Variants in NBPF9 observed in about 807,000 individuals in gnomAD.
NBPF9 encodes the protein NBPF member 9, also known as NBPF family member NBPF9.
NBPF9 carries 91 observed loss-of-function variants against 97.8 expected under a neutral mutation model. The observed-to-expected ratio is 0.93, with a 90% confidence interval of 0.79 to 1.11. The LOEUF (loss-of-function observed/expected upper bound fraction) is 1.11. NBPF9 is among the 50% of genes least tolerant of loss of function. The probability of loss-of-function intolerance (pLI) is 0.00; values close to 1 mark genes in which losing one functional copy is unlikely to be tolerated. For synonymous variants in NBPF9, 334 were observed against 359.5 expected, an observed-to-expected ratio of 0.93 and a Z score of 0.80; for missense variants, 992 against 939.5, an observed-to-expected ratio of 1.06 and a Z score of -0.73.
chr1:149,079,164 C>T, exon 9 of NBPF9: 1 of 1,283,570 alleles, frequency 7.8e-7, no homozygotes. Context: ...CTTCCCGTAA[C>T]TTCTCCTTTA....
chr1:149,085,424 A>G (rs1352681913), intron 5 of NBPF9, among the ~76,000 whole-genome samples: 3 of 152,180 alleles, frequency 2.0e-5, no homozygotes, highest in Admixed American at 6.5e-5. Context: ...TGCTTCTTCA[A>G]TATCGACTTG....
Position 149,098,673 on chromosome 1 carries a change from G to A in NBPF9, c.-572C>T, listed in dbSNP as rs28576593. On this transcript the variant is annotated 5_prime_UTR_variant, in exon 4 of 30. Coordinates refer to ENST00000584027, the Ensembl canonical transcript of NBPF9. ...AGAGCCTGGGTCACCAGGAACCTTC[G>A]CCTGCATCTAAACAGGATTTGCTTT... 7.3e-5 allele frequency: 59 copies of A among 810,382 alleles called. 1 individual carries two copies. In the South Asian group the frequency reaches 9.0e-4, roughly 12 times the overall value. The allele number at this position is 810,382 out of a possible 1,614,324, so 50.2% of individuals were successfully genotyped here.
At chr1:149,053,794 G>A (rs1281294310), downstream of NBPF9, among the ~76,000 whole-genome samples, 1 of 146,340 alleles carries the variant, frequency 6.8e-6, no homozygotes, top group African/African-American at 2.6e-5. Flanking sequence ...TTAGAAGTGT[G>A]TCTAGTCCAA....
exon 30 of NBPF9, chr1:149,055,703 T>A (rs782629118): frequency 5.0e-6 from 8 of 1,611,928 alleles, no homozygotes; most frequent in South Asian, 1.1e-5. Flanking sequence ...TGGAGACTTG[T>A]CACCGTCAAA....
At chr1:149,074,008 C>G in intron 12 of NBPF9, 138 bp from the exon 13 acceptor site, 2 of 595,564 alleles carry the variant, frequency 3.4e-6, no homozygotes, top group Non-Finnish European at 6.0e-6. Flanking sequence ...ATTTCCACAT[C>G]TTTACTCTTC....
exon 16 of NBPF9, chr1:149,070,997 C>T (rs782218569): frequency 4.2e-5 from 67 of 1,612,170 alleles, no homozygotes; most frequent in Non-Finnish European, 5.4e-5. Context: ...AGAGTTGAGT[C>T]GACTTTGTCT....
chr1:149,060,034 C>A lies in NBPF9; in HGVS notation c.2477-226G>T, dbSNP rs1305179406. ...TCCCTATTCTAGTAGATCGTTATCC[C>A]AATATCATTGGTCCCAAATTTGTGC... is the stretch of plus-strand genomic sequence containing the variant. On this transcript the variant is annotated intron_variant, in intron 24 of 29. Coordinates refer to ENST00000584027, the Ensembl canonical transcript of NBPF9. The A allele has an allele frequency of 8.5e-6, 3 of 354,974 alleles. No individual in the cohort carries two copies. In the African/African-American group the frequency reaches 8.7e-5, roughly 10 times the overall value. The allele number at this position is 354,974 out of a possible 1,614,324, so 22.0% of individuals were successfully genotyped here.
chr1:149,101,135 C>G (rs1275626123), intron 3 of NBPF9, 127 bp downstream of exon 3: 2 of 151,300 alleles, frequency 1.3e-5, no homozygotes, highest in African/African-American at 2.4e-5. Context: ...GCCTGTAATC[C>G]CAACACTTTG....
intron 16 of NBPF9, 126 bp from the exon 17 acceptor site, chr1:149,069,771 A>T (rs2079259978): frequency 1.4e-5 from 10 of 736,566 alleles, no homozygotes; most frequent in South Asian, 1.3e-4. Context: ...TCTGACAGGA[A>T]TATTCTAGGG....
At chr1:149,079,498 A>G (rs2080218159) in intron 8 of NBPF9, among the ~76,000 whole-genome samples, 1 of 150,720 alleles carries the variant, frequency 6.6e-6, no homozygotes, top group African/African-American at 2.5e-5. Flanking sequence ...CCCTTTCAGA[A>G]AGACATCTTT....
chr1:149,069,153 G>T (rs1200072619), intron 17 of NBPF9, among the ~76,000 whole-genome samples: 1 of 151,122 alleles, frequency 6.6e-6, no homozygotes, highest in African/African-American at 2.4e-5. Context: ...AGCACTAAAT[G>T]CCCACAAGAG....
rs1375978577 is a variant in NBPF9, at chr1:149,072,998, A to G, written c.1092-66T>C. The G allele has an allele frequency of 5.3e-5, 82 of 1,556,340 alleles. 2 individuals carry two copies. The highest frequency in any genetic ancestry group is 7.1e-5 in the Non-Finnish European group (80 of 1,129,370). Reference sequence around the variant, plus strand: ...TTGAGTGATCCGCTCAAATATTGCAACAGAGATTTCTGAAACAGTGTCCTC... The same window carrying G: ...TTGAGTGATCCGCTCAAATATTGCAGCAGAGATTTCTGAAACAGTGTCCTC... On this transcript the variant is annotated intron_variant, in intron 13 of 29. Coordinates refer to ENST00000584027, the Ensembl canonical transcript of NBPF9.
rs781831593 is a variant in NBPF9, at chr1:149,082,115, A to G, written c.25T>C (p.Ser9Pro). Residue 9 changes from serine (S) to proline (P), a missense_variant, in exon 7 of 30, where the codon TCC becomes CCC. Physicochemically the swap from Ser to Pro is moderately conservative, Grantham distance 74 (BLOSUM62 -1). Transcript: ENST00000584027. The stretch of plus-strand genomic sequence containing the variant: ...ATGTTCATCTCTGCCTTCTCGCTGG[A>G]CCAAGGGCCGGCTGATACCACCATG... 4.5e-4 allele frequency: 721 copies of G among 1,611,906 alleles called. 5 individuals carry two copies. The African/African-American group carries it at 8.4e-3, about 19-fold the overall frequency.
chr1:149,059,619 T>A (rs2078471685), intron 25 of NBPF9, 81 bp downstream of exon 25: 2 of 534,192 alleles, frequency 3.7e-6, no homozygotes, highest in African/African-American at 4.9e-5. Context: ...AAACGTGACA[T>A]CAAACACACT....
intron 5 of NBPF9, among the ~76,000 whole-genome samples, chr1:149,082,704 C>T (rs1553657212): frequency 6.9e-6 from 1 of 144,332 alleles, no homozygotes; most frequent in African/African-American, 2.6e-5. Context: ...AGTTTCCCAA[C>T]AGGTTATATT....
chr1:149,097,766 T>C (rs181117503), intron 4 of NBPF9, among the ~76,000 whole-genome samples: 20 of 152,164 alleles, frequency 1.3e-4, no homozygotes, highest in Non-Finnish European at 2.5e-4. Context: ...TGGTACCTAA[T>C]AGTCACCCCA....
At chr1:149,052,726 C>G (rs1420920051), downstream of NBPF9, among the ~76,000 whole-genome samples, 4 of 150,416 alleles carry the variant, frequency 2.7e-5, no homozygotes, top group African/African-American at 9.7e-5. Flanking sequence ...ATTGGTGAAG[C>G]CAGCCAATGA....
intron 4 of NBPF9, among the ~76,000 whole-genome samples, chr1:149,097,818 G>A (rs2081888513): frequency 2.6e-5 from 4 of 152,148 alleles, no homozygotes; most frequent in Admixed American, 6.5e-5. Flanking sequence ...AAGGTCCTGG[G>A]GAACCAAGAA....
intron 21 of NBPF9, 100 bp from the exon 22 acceptor site, chr1:149,062,365 A>G (rs1420147926): frequency 9.2e-6 from 6 of 648,958 alleles, no homozygotes; most frequent in African/African-American, 3.9e-5. Context: ...GTTTAAAAAG[A>G]AAAAGGACAG....
Sources: allele counts gnomAD v4.1 joint callset (sites outside exome capture counted in the v4.1 genomes callset), GRCh38; gene constraint gnomAD v4.1.1; transcripts MANE v1.5; gene names NCBI Gene and HGNC (gene_info 2026-07-23, HGNC 2026-07-21).